Variants in MICALL2 observed in about 807,000 individuals in gnomAD.
The protein encoded by MICALL2 is MICAL like 2, also known as MICAL-like protein 2.
MICALL2 carries 111 observed loss-of-function variants against 91.1 expected under a neutral mutation model. The ratio of observed to expected loss-of-function variants is 1.22; its 90% CI spans 1.04 to 1.43. The LOEUF is 1.43. Ranked by LOEUF, MICALL2 falls within the 40% of genes most tolerant of loss-of-function variation. The probability of loss-of-function intolerance (pLI) is 0.00; values close to 1 mark genes in which losing one functional copy is unlikely to be tolerated. For synonymous variants in MICALL2, 694 were observed against 525.3 expected (o/e 1.32, Z -4.39); for missense variants, 1,556 against 1,236.0 (o/e 1.26, Z -3.88).
intron 16 of MICALL2, 67 bp downstream of exon 16, chr7:1,435,034 C>T (rs1779897448): frequency 1.3e-6 from 2 of 1,536,622 alleles, no homozygotes; most frequent in Non-Finnish European, 1.8e-6. Flanking sequence ...GCCAGCCAGC[C>T]CAGCACTCAG....
intron 15 of MICALL2, among the ~76,000 whole-genome samples, chr7:1,435,975 C>A (rs1270898714): frequency 1.3e-5 from 2 of 150,648 alleles, no homozygotes; most frequent in Non-Finnish European, 3.0e-5. Flanking sequence ...TGGCATGAAC[C>A]CTGGAGGCAG....
chr7:1,438,422 G>A lies in MICALL2; in HGVS notation c.2123-69C>T, dbSNP rs1222178564. On this transcript the variant is annotated intron_variant, in intron 10 of 16. Coordinates refer to ENST00000297508, the MANE Select transcript of MICALL2 (RefSeq NM_182924.4). Reference sequence around the variant, plus strand: ...GCCCAACGTGACCAGGACACAGCTTGGAAGGAGCCTGACCTCAGCACAGCA... The same window carrying A: ...GCCCAACGTGACCAGGACACAGCTTAGAAGGAGCCTGACCTCAGCACAGCA... The A allele has an allele frequency of 7.8e-6, 12 of 1,546,804 alleles. No homozygotes were observed. The African/African-American group carries it at 9.6e-5, about 12-fold the overall frequency.
chr7:1,438,215 G>A lies in MICALL2; in HGVS notation c.2193C>T (p.His731=), dbSNP rs780139892. The A allele has an allele frequency of 1.3e-6, 2 of 1,586,674 alleles. No individual in the cohort carries two copies. Among genetic ancestry groups the A allele is most frequent in the Non-Finnish European group, 1.7e-6 (2 of 1,166,670 alleles). Residue 731 remains histidine (H), a synonymous_variant, in exon 12 of 17, where the codon CAC becomes CAT. Coordinates refer to ENST00000297508, the MANE Select transcript of MICALL2 (RefSeq NM_182924.4). ...TCTCCTCCGGGGAGAGGTAGTCGGG[G>A]TGCAGCTGGGAACGGAGGGGCGGTG... ...GETVTSPVRL[H]PDYLSPEEIQ...
In MICALL2 at chr7:1,459,444, G is replaced by A. The variant is rs1202214776; in HGVS notation, c.-118C>T. The A allele has an allele frequency of 5.0e-6, 5 of 1,004,600 alleles. No homozygotes were observed. Among genetic ancestry groups the A allele is most frequent in the East Asian group, 6.8e-5 (2 of 29,574 alleles). The allele number at this position is 1,004,600 out of a possible 1,614,324, so 62.2% of individuals were successfully genotyped here. A position where few individuals can be genotyped will look rare whatever the true frequency, so the allele number is the denominator to read the frequency against. On this transcript the variant is annotated 5_prime_UTR_variant, in exon 1 of 17. Transcript: ENST00000297508. The stretch of plus-strand genomic sequence containing the variant: ...ACCGCTACGGAACCGCCAGACCCAC[G>A]GCGCCCAGCCCCAGCTGAGCCGGAC...
Position 1,434,491 on chromosome 7 carries a change from C to G in MICALL2, c.*105G>C, listed in dbSNP as rs1234852294. On this transcript the variant is annotated 3_prime_UTR_variant, in exon 17 of 17. Transcript: ENST00000297508. The stretch of plus-strand genomic sequence containing the variant: ...CCGAATGCCGGGTCCGGGCCGAGCC[C>G]ACGGCCCCGAGTACAAGTCCGGGTT... 9.6e-7 allele frequency: 1 copy of G among 1,037,496 alleles called. No homozygotes were observed. Among genetic ancestry groups the G allele is most frequent in the African/African-American group, 1.6e-5 (1 of 64,120 alleles). The allele number at this position is 1,037,496 out of a possible 1,614,324, so 64.3% of individuals were successfully genotyped here. A position where few individuals can be genotyped will look rare whatever the true frequency, so the allele number is the denominator to read the frequency against.
chr7:1,445,456 A>G (rs1195007651), intron 5 of MICALL2, 28 bp from the exon 6 acceptor site: 1 of 1,475,032 alleles, frequency 6.8e-7, no homozygotes, highest in Non-Finnish European at 9.0e-7. Context: ...CAGGAGCCCC[A>G]GCTCGGCACC....
chr7:1,434,411 TC>T lies in MICALL2; in HGVS notation c.*184del. On this transcript the variant is annotated 3_prime_UTR_variant, in exon 17 of 17. Transcript: ENST00000297508. Reference sequence around the variant, plus strand: ...TTGAGACCACAGACGGTAGCGCAGGTCCCTGCTGTCCACATGCCCCTTGTAG... The same window carrying T: ...TTGAGACCACAGACGGTAGCGCAGGTCCTGCTGTCCACATGCCCCTTGTAG... The T allele has an allele frequency of 1.4e-6, 1 of 697,302 alleles. No homozygotes were observed. Among genetic ancestry groups the T allele is most frequent in the Non-Finnish European group, 2.6e-6 (1 of 381,530 alleles). 43.2% of individuals were successfully genotyped at this position (697,302 alleles called of 1,614,324 possible).
Position 1,447,834 on chromosome 7 carries a change from G to A in MICALL2, c.335-69C>T. 4.0e-6 allele frequency: 5 copies of A among 1,253,648 alleles called. No individual in the cohort carries two copies. The South Asian group carries it at 8.3e-5, about 21-fold the overall frequency. The allele number at this position is 1,253,648 out of a possible 1,614,324, so 77.7% of individuals were successfully genotyped here. A position where few individuals can be genotyped will look rare whatever the true frequency, so the allele number is the denominator to read the frequency against. Reference sequence around the variant, plus strand: ...CTGAAAGGGTCTAGTCCCTCCAGAGGTCCCAGTGCCCAGCACAGGCCTTGG... The same window carrying A: ...CTGAAAGGGTCTAGTCCCTCCAGAGATCCCAGTGCCCAGCACAGGCCTTGG... On this transcript the variant is annotated intron_variant, in intron 3 of 16. Transcript: ENST00000297508.
chr7:1,443,676 G>A (rs1400543659), intron 6 of MICALL2, among the ~76,000 whole-genome samples: 1 of 152,210 alleles, frequency 6.6e-6, no homozygotes, highest in African/African-American at 2.4e-5. Context: ...CGGAGGCAGA[G>A]ACTGGAGGGA....
At chr7:1,454,175 C>CA (rs1554270156) in intron 1 of MICALL2, among the ~76,000 whole-genome samples, 15 of 122,150 alleles carry the variant, frequency 1.2e-4, no homozygotes, top group Admixed American at 3.2e-4. Flanking sequence ...GTGGGGAGGG[C>CA]GGGGGGGTGC....
At chr7:1,436,005 T>C (rs574008134) in intron 15 of MICALL2, among the ~76,000 whole-genome samples, 396 of 135,700 alleles carry the variant, frequency 2.9e-3, no homozygotes, top group African/African-American at 0.012. Context: ...TGAGCCGAGA[T>C]TGCGGCCACT....
chr7:1,442,011 A>G lies in MICALL2; in HGVS notation c.1711+181T>C. On this transcript the variant is annotated intron_variant, in intron 7 of 16. Coordinates refer to ENST00000297508, the MANE Select transcript of MICALL2 (RefSeq NM_182924.4). The stretch of plus-strand genomic sequence containing the variant: ...AGCCCTGAGGACATTTGCAGCCACC[A>G]CACAGAGAGCGCACCAGGACCCCAG... 3 of 724,438 alleles carry G rather than the reference A, an allele frequency of 4.1e-6. No homozygotes were observed. The South Asian group carries it at 5.3e-5, about 13-fold the overall frequency. 44.9% of individuals were successfully genotyped at this position (724,438 alleles called of 1,614,324 possible). A position where few individuals can be genotyped will look rare whatever the true frequency, so the allele number is the denominator to read the frequency against.
chr7:1,438,445 G>A (rs1171976503), intron 10 of MICALL2, 92 bp from the exon 11 acceptor site: 1 of 1,518,362 alleles, frequency 6.6e-7, no homozygotes, highest in African/African-American at 1.4e-5. Context: ...CCTCAGCACA[G>A]CACAGCTGGC....
rs1291946585 is a variant in MICALL2 at position 1,447,759 on chromosome 7, C to A, written c.341G>T (p.Gly114Val). Residue 114 changes from glycine (G) to valine (V), a missense_variant, in exon 4 of 17, where the codon GGC becomes GTC. By Grantham distance (109) the Gly-to-Val change is moderately radical. Coordinates refer to ENST00000297508, the MANE Select transcript of MICALL2 (RefSeq NM_182924.4). ...NYFHGRSPIG[G>V]MAGVKRASED... is the part of the protein sequence containing the mutation. ...CGAGGCCCTCTTCACGCCTGCCATG[C>A]CCCCAACTGGAGGAATCAAGCAGGG... is the stretch of plus-strand genomic sequence containing the variant. The A allele has an allele frequency of 2.0e-6, 3 of 1,534,936 alleles. No individual in the cohort carries two copies. The highest frequency in any genetic ancestry group is 2.6e-6 in the Non-Finnish European group (3 of 1,138,420).
chr7:1,436,720 GC>G, intron 15 of MICALL2, 21 bp downstream of exon 15: 7 of 1,579,904 alleles, frequency 4.4e-6, no homozygotes, highest in Admixed American at 1.7e-5. Context: ...GCTGGGAGGG[GC>G]CCCCGGCACC....
rs774257940 is a variant in MICALL2, at chr7:1,444,742, A to T, written c.1328T>A (p.Leu443Gln). 3 of 1,612,430 alleles carry T rather than the reference A, an allele frequency of 1.9e-6. No homozygotes were observed. In the East Asian group the frequency reaches 6.7e-5, roughly 36 times the overall value. ...SGRGPTPSLV[L>Q]SKDSSKEQAR... The stretch of plus-strand genomic sequence containing the variant: ...CTGCTCCTTGCTGCTGTCCTTGGAT[A>T]GAACAAGTGACGGGGTGGGACCTCT... The change falls in exon 6 of 17, where the codon CTA becomes CAA. Residue 443 changes from leucine to glutamine, a missense_variant. Leu to Gln is a moderately radical substitution (Grantham distance 113). Coordinates refer to ENST00000297508, the MANE Select transcript of MICALL2 (RefSeq NM_182924.4).
chr7:1,446,905 G>C (rs1004376011), intron 4 of MICALL2, 77 bp from the exon 5 acceptor site: 1 of 1,033,090 alleles, frequency 9.7e-7, no homozygotes, highest in Non-Finnish European at 1.4e-6. Flanking sequence ...CAGGTGGCCG[G>C]AAGAGCCCAT....
At chr7:1,448,558 G>A in intron 3 of MICALL2, 62 bp downstream of exon 3, 12 of 1,590,204 alleles carry the variant, frequency 7.5e-6, no homozygotes, top group Non-Finnish European at 1.0e-5. Flanking sequence ...ACAGGCCTGG[G>A]AGCCAGGCCA....
intron 3 of MICALL2, among the ~76,000 whole-genome samples, chr7:1,448,321 T>C (rs373507009): frequency 9.1e-4 from 138 of 152,362 alleles, no homozygotes; most frequent in African/African-American, 3.1e-3. Context: ...CAGGAGCTGC[T>C]GGTGCACCTG....
Sources: gnomAD v4.1 joint callset for allele counts (sites outside exome capture counted in the v4.1 genomes callset) on GRCh38, gnomAD v4.1.1 for gene constraint, MANE v1.5 for transcripts, NCBI Gene and HGNC (gene_info 2026-07-23, HGNC 2026-07-21) for gene names.